AKAP8: variants seen among roughly 807,000 people sequenced by gnomAD.
The protein encoded by AKAP8 is A-kinase anchoring protein 8.
Under a neutral mutation model 67.5 loss-of-function variants are expected in AKAP8, and 24 were observed. That is an observed-to-expected ratio of 0.36 (90% confidence interval 0.26 to 0.50). The LOEUF is 0.50. Among genes scored for constraint, AKAP8 ranks in the 20% least tolerant of loss-of-function variants. The pLI is 0.97. For missense variants in AKAP8, 971 were observed against 955.9 expected (o/e 1.02, Z -0.21); for synonymous variants, 400 against 371.1 (o/e 1.08, Z -0.90).
intron 7 of AKAP8, among the ~76,000 whole-genome samples, chr19:15,370,648 T>C (rs1451756061): frequency 6.7e-6 from 1 of 149,046 alleles, no homozygotes; most frequent in African/African-American, 2.5e-5. Flanking sequence ...TTTTTTTTTT[T>C]TGAGACGGAG....
intron 9 of AKAP8, among the ~76,000 whole-genome samples, chr19:15,365,633 G>A (rs140611905): frequency 1.4e-4 from 21 of 152,278 alleles, no homozygotes; most frequent in Admixed American, 3.3e-4. Flanking sequence ...ATCTCCCGGG[G>A]CTCATACACA....
At chr19:15,364,589 T>C (rs1354540283) in intron 9 of AKAP8, among the ~76,000 whole-genome samples, 2 of 152,132 alleles carry the variant, frequency 1.3e-5, no homozygotes, top group African/African-American at 2.4e-5. Flanking sequence ...GACCTCGTGA[T>C]TGACCCACCT....
At position 15,360,039 on chromosome 19, in the gene AKAP8, G is replaced by A. The variant is rs561402491; in HGVS notation, c.1527+809C>T. ...AATCCCAGCTACTTAGGAGGCTGAGGCTGGAGAATTGCTTGAACCTGGGAG... is the reference window on the plus strand; with the variant it reads ...AATCCCAGCTACTTAGGAGGCTGAGACTGGAGAATTGCTTGAACCTGGGAG... On this transcript the variant is annotated intron_variant, in intron 12 of 13. Transcript: ENST00000269701. Among the ~76,000 whole-genome samples the A allele has an allele frequency of 1.1e-4, 17 of 152,214 alleles. 1 individual carries two copies. In the South Asian group the frequency reaches 3.3e-3, roughly 30 times the overall value.
Position 15,373,021 on chromosome 19 carries a change from C to T in AKAP8, c.691G>A (p.Gly231Ser), listed in dbSNP as rs1183940094. The part of the protein sequence containing the change: ...STPWNELNYV[G>S]GRGLGGPSPS... ...GAGGGCCCTCCCAGGCCCCGTCCAC[C>T]CACGTAGTTCAGCTCGTTCCAGGGC... Residue 231 changes from glycine to serine, a missense_variant, in exon 5 of 14, where the codon GGT becomes AGT. Gly to Ser is a moderately conservative substitution (Grantham distance 56). This residue lies in a region of AKAP8 where 763 missense variants were observed against 745.4 expected (regional missense o/e 1.02). Transcript: ENST00000269701. The T allele has an allele frequency of 3.8e-6, 6 of 1,581,574 alleles. No homozygotes were observed. The highest frequency in any genetic ancestry group is 5.2e-6 in the Non-Finnish European group (6 of 1,160,874).
intron 3 of AKAP8, 91 bp from the exon 4 acceptor site, chr19:15,374,156 G>A: frequency 7.0e-7 from 1 of 1,437,852 alleles, no homozygotes; most frequent in East Asian, 2.3e-5. Flanking sequence ...CGCTGCCACG[G>A]AGAAGGAAAA....
At position 15,379,761 on chromosome 19, in the gene AKAP8, T is replaced by C. The variant is rs954066857; in HGVS notation, c.-30A>G. ...TCGACGCGGCCCACCAGCAGCCCCG[T>C]TTACTAGGCGACCACAGCACGCATG... On this transcript the variant is annotated 5_prime_UTR_variant, in exon 1 of 14. Coordinates refer to ENST00000269701, the MANE Select transcript of AKAP8 (RefSeq NM_005858.4). The C allele has an allele frequency of 1.2e-6, 2 of 1,610,052 alleles. No individual in the cohort carries two copies. Among genetic ancestry groups the C allele is most frequent in the Non-Finnish European group, 1.7e-6 (2 of 1,178,542 alleles).
chr19:15,356,699 T>G (rs767772033), intron 13 of AKAP8, among the ~76,000 whole-genome samples: 3 of 152,024 alleles, frequency 2.0e-5, no homozygotes, highest in Non-Finnish European at 4.4e-5. Flanking sequence ...CATTACCAGA[T>G]TAGGAAACAT....
In AKAP8 at chr19:15,373,311, T is replaced by C. The variant is rs762557069; in HGVS notation, c.401A>G (p.Tyr134Cys). ...CTCCGGCAGGCAGGGCCTGGAGTCA[T>C]AGGACTCGAACGGCTGGAAGCGGAA... ...SSFRFQPFES[Y>C]DSRPCLPEHN... The change falls in exon 5 of 14, where the codon TAT becomes TGT. Residue 134 changes from tyrosine (Y) to cysteine (C), a missense_variant. Tyr to Cys is a radical substitution (Grantham distance 194). Around this residue, in one of 3 missense-constraint regions of AKAP8, gnomAD observed 763 missense variants for 745.4 expected, o/e 1.02. Transcript: ENST00000269701. 5 of 1,612,462 alleles carry C rather than the reference T, an allele frequency of 3.1e-6. No individual in the cohort carries two copies. The highest frequency in any genetic ancestry group is 2.2e-5 in the East Asian group (1 of 44,850).
intron 9 of AKAP8, among the ~76,000 whole-genome samples, chr19:15,364,878 C>T (rs764251725): frequency 6.6e-6 from 1 of 152,176 alleles, no homozygotes; most frequent in African/African-American, 2.4e-5. Flanking sequence ...CTCAGCCTCC[C>T]AAGTAGCTGG....
chr19:15,355,390 C>G lies in AKAP8; in HGVS notation c.1624-20G>C, dbSNP rs376225309. On this transcript the variant is annotated intron_variant, in intron 13 of 13. Coordinates refer to ENST00000269701, the MANE Select transcript of AKAP8 (RefSeq NM_005858.4). ...CTCACCCTGGCCAAAGAGGAAACAC[C>G]GGTCAGCGTGGTGTAAGCAGAGCTC... 2.5e-6 allele frequency: 4 copies of G among 1,599,812 alleles called. No homozygotes were observed. The highest frequency in any genetic ancestry group is 1.3e-5 in the African/African-American group (1 of 74,810).
At chr19:15,370,321 G>T in intron 7 of AKAP8, 142 bp from the exon 8 acceptor site, 1 of 878,584 alleles carries the variant, frequency 1.1e-6, no homozygotes, top group Non-Finnish European at 1.8e-6. Flanking sequence ...GCCACAGTGT[G>T]TTAGGACCAG....
chr19:15,367,080 G>T (rs930109929), intron 9 of AKAP8, among the ~76,000 whole-genome samples: 1 of 151,974 alleles, frequency 6.6e-6, no homozygotes, highest in South Asian at 2.1e-4. Context: ...GCTAATTTTT[G>T]TAATTTTAGT....
chr19:15,375,852 A>C (rs10420759), intron 2 of AKAP8, among the ~76,000 whole-genome samples: 5,840 of 151,538 alleles, frequency 0.039, 364 homozygotes, highest in African/African-American at 0.13. Flanking sequence ...GTTAGCCAGG[A>C]TGGTCTCGAT....
intron 9 of AKAP8, among the ~76,000 whole-genome samples, chr19:15,366,178 G>C (rs1403810538): frequency 2.7e-5 from 1 of 37,236 alleles, no homozygotes; most frequent in African/African-American, 1.1e-4. Flanking sequence ...GCAAAAAGTA[G>C]TAAAAAAAAA....
chr19:15,371,951 C>G lies in AKAP8; in HGVS notation c.1038+1G>C. ...GCAAAAGGGCTGCCTGGTGGACTTACACCCTTGAATTCTTCATCTCCTGAG... is the reference window on the plus strand; with the variant it reads ...GCAAAAGGGCTGCCTGGTGGACTTAGACCCTTGAATTCTTCATCTCCTGAG... On this transcript the variant is annotated splice_donor_variant, in intron 7 of 13. Transcript: ENST00000269701. LOFTEE classifies it high-confidence loss of function. 1.9e-6 allele frequency: 3 copies of G among 1,614,064 alleles called. No homozygotes were observed. The highest frequency in any genetic ancestry group is 2.5e-6 in the Non-Finnish European group (3 of 1,179,988).
At chr19:15,372,651 G>A (rs1260682934) in intron 5 of AKAP8, among the ~76,000 whole-genome samples, 200 bp downstream of exon 5, 1 of 152,150 alleles carries the variant, frequency 6.6e-6, no homozygotes, top group South Asian at 2.1e-4. Context: ...CTAATGAGAA[G>A]AAGTTTCTCT....
chr19:15,370,727 G>T (rs555817508), intron 7 of AKAP8, among the ~76,000 whole-genome samples: 10 of 147,212 alleles, frequency 6.8e-5, no homozygotes, highest in Non-Finnish European at 1.5e-4. Context: ...TGCTTCCTGG[G>T]TTGAAGCAAA....
At position 15,372,421 on chromosome 19, in the gene AKAP8, G is replaced by C; in HGVS notation, c.862-74C>G. ...ATGCCCCACAGAAAAGAACAAGGAG[G>C]TTGTAGGATCAGACAACACAGGCAC... is the stretch of plus-strand genomic sequence containing the variant. On this transcript the variant is annotated intron_variant, in intron 5 of 13. Transcript: ENST00000269701. The C allele has an allele frequency of 3.8e-6, 6 of 1,578,160 alleles. 1 individual carries two copies. The South Asian group carries it at 6.7e-5, about 18-fold the overall frequency.
chr19:15,379,733 T>C lies in AKAP8; in HGVS notation c.-2A>G, dbSNP rs775142597. ...CAAACCTCCGTAGCCCTGGTCCATG[T>C]CTTCGACGCGGCCCACCAGCAGCCC... On this transcript the variant is annotated 5_prime_UTR_variant, in exon 1 of 14. Transcript: ENST00000269701. 1.2e-6 allele frequency: 2 copies of C among 1,611,678 alleles called. No homozygotes were observed. Among genetic ancestry groups the C allele is most frequent in the African/African-American group, 1.3e-5 (1 of 74,706 alleles).
Sources: allele counts gnomAD v4.1 joint callset (sites outside exome capture counted in the v4.1 genomes callset), GRCh38; gene constraint gnomAD v4.1.1; regional missense constraint gnomAD v4.1.1; transcripts MANE v1.5; gene names NCBI Gene and HGNC (gene_info 2026-07-23, HGNC 2026-07-21).